The following MYRIP variants were observed in gnomAD, a reference collection of about 807,000 sequenced individuals.
The protein encoded by MYRIP is myosin VIIA and Rab interacting protein.
A neutral mutation model predicts 98.0 loss-of-function variants in MYRIP; 49 were observed. The observed-to-expected ratio is 0.50, with a 90% CI of 0.40 to 0.63. MYRIP has a LOEUF of 0.63. Ranked by LOEUF, MYRIP falls within the 30% of genes least tolerant of loss-of-function variation. The pLI, the probability that MYRIP is intolerant of heterozygous loss-of-function variation, is 0.00. For missense variants in MYRIP, 1,004 were observed against 1,058.2 expected (o/e 0.95, Z 0.71); for synonymous variants, 404 against 409.5 (o/e 0.99, Z 0.16).
chr3:39,822,881 T>TA (rs1575274271), intron 1 of MYRIP, among the ~76,000 whole-genome samples: 3 of 149,862 alleles, frequency 2.0e-5, no homozygotes, highest in African/African-American at 7.3e-5. Flanking sequence ...TTTTTTTTTT[T>TA]ATGGCTGAAT....
intron 2 of MYRIP, among the ~76,000 whole-genome samples, chr3:39,978,813 C>G (rs980286118): frequency 6.6e-5 from 10 of 151,364 alleles, no homozygotes; most frequent in African/African-American, 2.2e-4. Context: ...ATGTGTTTTA[C>G]TGGACTTTGT....
chr3:39,971,871 T>C (rs1048543858), intron 2 of MYRIP, among the ~76,000 whole-genome samples: 3 of 152,134 alleles, frequency 2.0e-5, no homozygotes, highest in Non-Finnish European at 4.4e-5. Context: ...ATATTATACC[T>C]ATGAATGATT....
rs1948916508 is a variant in MYRIP at position 40,100,102 on chromosome 3, T to C, written c.333-50946T>C. ...CTTTTCTTAAGAAGACTACCTGGCT[T>C]ATCCTCTGTCTGGGCTTTTCTGGCC... On this transcript the variant is annotated intron_variant, in intron 3 of 16. Transcript: ENST00000302541. The C allele has an allele frequency of 3.0e-6, 3 of 985,450 alleles. No homozygotes were observed. In the African/African-American group the frequency reaches 5.2e-5, roughly 17 times the overall value. The allele number at this position is 985,450 out of a possible 1,614,324, so 61.0% of individuals were successfully genotyped here.
intron 3 of MYRIP, among the ~76,000 whole-genome samples, chr3:40,062,309 C>T (rs9865036): frequency 0.29 from 43,985 of 151,978 alleles, 6,445 homozygotes; most frequent in East Asian, 0.36. Context: ...CAATCTTCTG[C>T]ACATGGCTAG....
chr3:39,902,979 T>A (rs191070295), intron 2 of MYRIP, among the ~76,000 whole-genome samples: 13 of 152,306 alleles, frequency 8.5e-5, no homozygotes, highest in African/African-American at 2.6e-4. Context: ...GAGAAAATGA[T>A]GCTTGAAATC....
rs184159967 is a variant in MYRIP at position 40,259,525 on chromosome 3, T to G, written c.*1359T>G. 6.5e-4 allele frequency: 99 copies of G among 152,370 alleles called. No homozygotes were observed. Among genetic ancestry groups the G allele is most frequent in the Non-Finnish European group, 2.9e-5 (2 of 68,040 alleles). 9.4% of individuals were successfully genotyped at this position (152,370 alleles called of 1,614,324 possible). ...ATTTAATAACTGAAGGCCAGAGAGA[T>G]TAATTTGCCAAAGCCACACCTTTAT... On this transcript the variant is annotated 3_prime_UTR_variant, in exon 17 of 17. Transcript: ENST00000302541.
chr3:40,095,310 A>G (rs892918032), intron 3 of MYRIP, among the ~76,000 whole-genome samples: 3 of 152,100 alleles, frequency 2.0e-5, no homozygotes, highest in African/African-American at 7.2e-5. Flanking sequence ...AGGTCATGGC[A>G]TCCTTCTTTG....
intron 2 of MYRIP, among the ~76,000 whole-genome samples, chr3:39,991,577 C>A (rs1946178132): frequency 6.7e-6 from 1 of 149,420 alleles, no homozygotes; most frequent in African/African-American, 2.6e-5. Flanking sequence ...ACCCTGTCCT[C>A]TTATTGTTTA....
At chr3:39,927,705 C>A (rs1944447515) in intron 2 of MYRIP, among the ~76,000 whole-genome samples, 1 of 151,940 alleles carries the variant, frequency 6.6e-6, no homozygotes, top group Non-Finnish European at 1.5e-5. Context: ...GTCAGCATCA[C>A]CCTGATACCA....
intron 1 of MYRIP, among the ~76,000 whole-genome samples, chr3:39,828,241 G>T (rs1219289404): frequency 6.6e-6 from 1 of 151,682 alleles, no homozygotes; most frequent in South Asian, 2.1e-4. Flanking sequence ...TTTGCTTAGT[G>T]GTGTTCCATA....
At chr3:40,244,812 T>A (rs1953137680) in intron 13 of MYRIP, among the ~76,000 whole-genome samples, 1 of 152,232 alleles carries the variant, frequency 6.6e-6, no homozygotes, top group Admixed American at 6.5e-5. Flanking sequence ...AAAGTCTCGA[T>A]AATATATTGG....
intron 3 of MYRIP, among the ~76,000 whole-genome samples, chr3:40,098,192 G>A (rs1383748740): frequency 6.6e-6 from 1 of 152,098 alleles, no homozygotes; most frequent in Non-Finnish European, 1.5e-5. Flanking sequence ...AAGTAGAAGT[G>A]CATTAAGTTT....
At chr3:39,886,887 T>A (rs1412793816) in intron 1 of MYRIP, among the ~76,000 whole-genome samples, 1 of 152,086 alleles carries the variant, frequency 6.6e-6, no homozygotes, top group Admixed American at 6.6e-5. Context: ...AGAATATACA[T>A]TGTTTTCAGC....
chr3:40,121,928 G>T (rs1261474314), intron 3 of MYRIP, among the ~76,000 whole-genome samples: 1 of 151,950 alleles, frequency 6.6e-6, no homozygotes, highest in Non-Finnish European at 1.5e-5. Flanking sequence ...ATTTTTAAGG[G>T]TTAATTTTTC....
chr3:40,203,712 AT>A (rs1439527390), intron 10 of MYRIP, among the ~76,000 whole-genome samples: 42 of 98,486 alleles, frequency 4.3e-4, no homozygotes, highest in African/African-American at 1.6e-3. Flanking sequence ...TATTTTATAT[AT>A]TTTTATATAT....
intron 3 of MYRIP, among the ~76,000 whole-genome samples, chr3:40,080,477 GA>G (rs998324296): frequency 2.0e-5 from 3 of 151,442 alleles, no homozygotes; most frequent in Non-Finnish European, 4.4e-5. Context: ...TCTAAAAAAA[GA>G]AAAAAAGTGT....
chr3:40,151,280 G>A (rs1416219453), intron 4 of MYRIP, 96 bp downstream of exon 4: 21 of 1,331,712 alleles, frequency 1.6e-5, no homozygotes, highest in Non-Finnish European at 2.1e-5. Flanking sequence ...ACTCACCTGG[G>A]ACAGATAAAT....
At chr3:40,059,392 CCCA>C (rs1227149468) in intron 3 of MYRIP, among the ~76,000 whole-genome samples, 1 of 152,212 alleles carries the variant, frequency 6.6e-6, no homozygotes, top group African/African-American at 2.4e-5. Context: ...AATTTACACT[CCCA>C]CCAACAGTGT....
intron 11 of MYRIP, among the ~76,000 whole-genome samples, chr3:40,218,622 A>ATATATATATATATATTT (rs1952216301): frequency 7.8e-5 from 1 of 12,754 alleles, no homozygotes; most frequent in African/African-American, 1.3e-4. Context: ...TTATATATAT[A>ATATATATATATATATTT]TATATATATA....
Sources: allele counts gnomAD v4.1 joint callset (sites outside exome capture counted in the v4.1 genomes callset), GRCh38; gene constraint gnomAD v4.1.1; transcripts MANE v1.5; gene names NCBI Gene and HGNC (gene_info 2026-07-23, HGNC 2026-07-21).